Variants in FSTL4 observed in about 807,000 individuals in gnomAD.
The protein encoded by FSTL4 is follistatin-related protein 4.
Under a neutral mutation model 78.2 loss-of-function variants are expected in FSTL4, and 28 were observed. That is an observed-to-expected ratio of 0.36 (90% CI 0.27 to 0.49). The LOEUF (loss-of-function observed/expected upper bound fraction) is 0.49. Ranked by LOEUF, FSTL4 falls within the 20% of genes least tolerant of loss-of-function variation. The pLI is 0.98. For synonymous variants in FSTL4, 422 were observed against 440.5 expected (o/e 0.96, Z 0.53); for missense variants, 922 against 1,084.9 (o/e 0.85, Z 2.11).
At chr5:133,327,712 T>G (rs115298627) in intron 4 of FSTL4, among the ~76,000 whole-genome samples, 2,688 of 152,168 alleles carry the variant, frequency 0.018, 84 homozygotes, top group African/African-American at 0.062. Context: ...CAGCACTGGG[T>G]CTGTCTCTTG....
chr5:133,734,638 C>A, the FSTL4 span, among the ~76,000 whole-genome samples: 1 of 152,214 alleles, frequency 6.6e-6, no homozygotes, highest in South Asian at 2.1e-4. Flanking sequence ...TTTTCAAATG[C>A]TAGCAGGCTA....
chr5:133,392,349 G>A (rs1436613198), intron 4 of FSTL4, among the ~76,000 whole-genome samples: 2 of 152,150 alleles, frequency 1.3e-5, no homozygotes, highest in African/African-American at 4.8e-5. Context: ...GGAAGCAGCT[G>A]CAAGAGAAGG....
At chr5:133,578,444 G>A in intron 2 of FSTL4, among the ~76,000 whole-genome samples, 1 of 152,218 alleles carries the variant, frequency 6.6e-6, no homozygotes, top group East Asian at 1.9e-4. Context: ...TCAGAAACAT[G>A]GGCAGAATCC....
rs143661016 is a variant in FSTL4, at chr5:133,279,073, G to A, written c.728-29497C>T. Among the ~76,000 whole-genome samples the A allele has an allele frequency of 2.8e-4, 43 of 152,342 alleles. No individual in the cohort carries two copies. In the East Asian group the frequency reaches 7.1e-3, roughly 25 times the overall value. On this transcript the variant is annotated intron_variant, in intron 6 of 15. Coordinates refer to ENST00000265342, the MANE Select transcript of FSTL4 (RefSeq NM_015082.2). Reference sequence around the variant, plus strand: ...AATGCTGCTGTGAAGCTGGGGGTTCGTGCAAAAGAATGTCAGTTTCTATAG... The same window carrying A: ...AATGCTGCTGTGAAGCTGGGGGTTCATGCAAAAGAATGTCAGTTTCTATAG...
chr5:133,717,902 A>T, the FSTL4 span, among the ~76,000 whole-genome samples: 4 of 152,326 alleles, frequency 2.6e-5, no homozygotes, highest in Non-Finnish European at 4.4e-5. Context: ...CTTTTAGGGT[A>T]AACATGTGTT....
At chr5:133,389,138 G>A (rs1056994213) in intron 4 of FSTL4, among the ~76,000 whole-genome samples, 2 of 152,092 alleles carry the variant, frequency 1.3e-5, no homozygotes, top group African/African-American at 2.4e-5. Flanking sequence ...TCTAAAATGA[G>A]CTTCTGTTTC....
intron 4 of FSTL4, among the ~76,000 whole-genome samples, chr5:133,360,542 A>C (rs1358683271): frequency 6.6e-6 from 1 of 150,934 alleles, no homozygotes; most frequent in Non-Finnish European, 1.5e-5. Flanking sequence ...TAAATTTACC[A>C]AGTTTGATAG....
intron 7 of FSTL4, among the ~76,000 whole-genome samples, chr5:133,237,203 C>T (rs897075114): frequency 2.0e-5 from 3 of 152,160 alleles, no homozygotes; most frequent in Non-Finnish European, 2.9e-5. Flanking sequence ...TCCCCTTCTC[C>T]GTCCTGCAGC....
chr5:133,761,106 GA>G, the FSTL4 span, among the ~76,000 whole-genome samples: 1 of 152,208 alleles, frequency 6.6e-6, no homozygotes, highest in East Asian at 1.9e-4. Flanking sequence ...AATGAAATAT[GA>G]GCTTGTGAAG....
At chr5:133,689,147 C>T in the FSTL4 span, among the ~76,000 whole-genome samples, 4 of 152,348 alleles carry the variant, frequency 2.6e-5, no homozygotes, top group African/African-American at 9.6e-5. Context: ...CACCCAGTCT[C>T]TCCACAGTGG....
chr5:133,226,122 A>G (rs1751325074), intron 8 of FSTL4, among the ~76,000 whole-genome samples: 1 of 152,246 alleles, frequency 6.6e-6, no homozygotes, highest in Non-Finnish European at 1.5e-5. Flanking sequence ...CTACATGTAA[A>G]GAGCAGCAGC....
chr5:133,749,011 A>T, the FSTL4 span, among the ~76,000 whole-genome samples: 1 of 152,200 alleles, frequency 6.6e-6, no homozygotes, highest in Non-Finnish European at 1.5e-5. Context: ...CAAGGATAGG[A>T]CAATTGGTGC....
At chr5:133,782,765 C>T in the FSTL4 span, among the ~76,000 whole-genome samples, 3 of 152,188 alleles carry the variant, frequency 2.0e-5, no homozygotes, top group African/African-American at 7.2e-5. Flanking sequence ...GCAAACAGTA[C>T]CCAAGCCACA....
the FSTL4 span, among the ~76,000 whole-genome samples, chr5:133,762,984 CCCTCCAG>C: frequency 2.7e-3 from 405 of 152,322 alleles, no homozygotes; most frequent in African/African-American, 9.1e-3. Flanking sequence ...TGGCACTAAG[CCCTCCAG>C]CCTTCATCCT....
intron 3 of FSTL4, among the ~76,000 whole-genome samples, chr5:133,429,870 C>G (rs1756899267): frequency 6.6e-6 from 1 of 152,094 alleles, no homozygotes; most frequent in African/African-American, 2.4e-5. Context: ...GGATAAAGTC[C>G]CTTCTCTCCT....
intron 5 of FSTL4, among the ~76,000 whole-genome samples, chr5:133,316,024 CT>C (rs1271275459): frequency 2.0e-5 from 3 of 152,162 alleles, no homozygotes; most frequent in African/African-American, 7.2e-5. Context: ...AGACACAGGG[CT>C]TTCTGCAAAC....
At chr5:133,751,958 C>T in the FSTL4 span, among the ~76,000 whole-genome samples, 2 of 152,176 alleles carry the variant, frequency 1.3e-5, no homozygotes, top group African/African-American at 4.8e-5. Context: ...GCAACATCAT[C>T]CCTTCTCCAC....
At position 133,452,570 on chromosome 5, in the gene FSTL4, AT is replaced by A. The variant is rs564803463; in HGVS notation, c.161-51585del. Among the ~76,000 whole-genome samples the A allele has an allele frequency of 4.4e-3, 665 of 152,372 alleles. 1 individual carries two copies. Among genetic ancestry groups the A allele is most frequent in the Non-Finnish European group, 7.7e-3 (525 of 68,038 alleles). ...GCTAGGCTCTGAGAGGTGCACATGTATTAACTCATTTAATCCTCACAACTTC... is the reference window on the plus strand; with the variant it reads ...GCTAGGCTCTGAGAGGTGCACATGTATAACTCATTTAATCCTCACAACTTC... On this transcript the variant is annotated intron_variant, in intron 3 of 15. Transcript: ENST00000265342.
chr5:133,809,044 A>G, the FSTL4 span, among the ~76,000 whole-genome samples: 1 of 151,986 alleles, frequency 6.6e-6, no homozygotes, highest in Non-Finnish European at 1.5e-5. Flanking sequence ...CAGAGAAAAG[A>G]GGGCCATTTC....
Sources: allele counts gnomAD v4.1 joint callset (sites outside exome capture counted in the v4.1 genomes callset), GRCh38; gene constraint gnomAD v4.1.1; transcripts MANE v1.5; gene names NCBI Gene and HGNC (gene_info 2026-07-23, HGNC 2026-07-21).